Variants in GRHPR observed in about 807,000 individuals in gnomAD.
The protein encoded by GRHPR is glyoxylate and hydroxypyruvate reductase.
In GRHPR, 35 loss-of-function variants were observed where a neutral mutation model predicts 36.8. The observed-to-expected ratio is 0.95, with a 90% CI of 0.73 to 1.26. The LOEUF (loss-of-function observed/expected upper bound fraction) is 1.26. GRHPR is among the 50% of genes most tolerant of loss of function. The pLI, the probability that GRHPR is intolerant of heterozygous loss-of-function variation, is 0.00. For synonymous variants in GRHPR, 179 were observed against 181.0 expected (o/e 0.99, Z 0.09); for missense variants, 380 against 435.0 (o/e 0.87, Z 1.12).
chr9:37,439,320 T>G (rs1215702778), downstream of GRHPR: 1 of 152,234 alleles, frequency 6.6e-6, no homozygotes, highest in Non-Finnish European at 1.5e-5. Context: ...TTCTATGCTA[T>G]GGGCTGCTAA....
At chr9:37,433,337 G>A (rs1409373204) in intron 8 of GRHPR, among the ~76,000 whole-genome samples, 4 of 150,574 alleles carry the variant, frequency 2.7e-5, no homozygotes, top group Admixed American at 6.7e-5. Flanking sequence ...GGGTTCAAGC[G>A]ATTCTCCTGC....
intron 7 of GRHPR, 117 bp downstream of exon 7, chr9:37,430,763 T>A: frequency 1.1e-6 from 1 of 946,098 alleles, no homozygotes; most frequent in Non-Finnish European, 1.7e-6. Flanking sequence ...CTTGCTGGTT[T>A]CCATAAACCA....
chr9:37,437,031 A>G, downstream of GRHPR: 1 of 444,514 alleles, frequency 2.2e-6, no homozygotes, highest in East Asian at 4.8e-5. Flanking sequence ...ACAAGTGGAT[A>G]TGGCTGGGCA....
At chr9:37,438,950 CTCTAGATTAACAGGAGAGAA>C (rs1274376137), downstream of GRHPR, 4 of 152,208 alleles carry the variant, frequency 2.6e-5, no homozygotes, top group Non-Finnish European at 4.4e-5. Context: ...TAACTGCACA[CTCTAGATTAACAGGAGAGAA>C]AACACGCTCA....
chr9:37,428,554 A>G lies in GRHPR; in HGVS notation c.475A>G (p.Ile159Val), dbSNP rs759447197. ...ACTCACGCAGAGCACTGTCGGCATC[A>G]TCGGGCTGGGGCGCATAGGTGAGGC... ...YGLTQSTVGI[I>V]GLGRIGQAIA... The change falls in exon 5 of 9, where the codon ATC (isoleucine) becomes GTC (valine). Residue 159 changes from isoleucine to valine, a missense_variant. By Grantham distance (29) the Ile-to-Val change is conservative (BLOSUM62 3). Transcript: ENST00000318158. 1.9e-6 allele frequency: 3 copies of G among 1,610,280 alleles called. No homozygotes were observed. Among genetic ancestry groups the G allele is most frequent in the Non-Finnish European group, 2.5e-6 (3 of 1,178,796 alleles).
rs749832848 is a variant in GRHPR, at chr9:37,429,770, CAG to C, written c.536_537del (p.Arg179IlefsTer11). The part of the protein sequence containing the change: ...IARRLKPFGV[Q>X]RFLYTGRQPR... Reference sequence around the variant, plus strand: ...TCGGCGTCTGAAACCATTCGGTGTCCAGAGATTTCTGTACACAGGGCGCCAGC... The same window carrying C: ...TCGGCGTCTGAAACCATTCGGTGTCCAGATTTCTGTACACAGGGCGCCAGC... On this transcript the variant is annotated frameshift_variant, in exon 6 of 9. Coordinates refer to ENST00000318158, the MANE Select transcript of GRHPR (RefSeq NM_012203.2). LOFTEE classifies it high-confidence loss of function. The C allele has an allele frequency of 1.2e-6, 2 of 1,613,794 alleles. No homozygotes were observed. The highest frequency in any genetic ancestry group is 1.7e-6 in the Non-Finnish European group (2 of 1,179,602).
intron 8 of GRHPR, chr9:37,434,537 C>G: frequency 2.7e-6 from 1 of 373,246 alleles, no homozygotes; most frequent in Non-Finnish European, 5.1e-6. Flanking sequence ...GTAGAAGTAG[C>G]AGCTCCCACT....
In GRHPR at chr9:37,424,869, G is replaced by A. The variant is rs377072887; in HGVS notation, c.108G>A (p.Ser36=). ...GCTGTGAGGTGGAGCAGTGGGACTC[G>A]GATGAGCCCATCCCTGCCAAGGAGC... is the stretch of plus-strand genomic sequence containing the variant. The part of the protein sequence containing the change: ...AADCEVEQWD[S]DEPIPAKELE... The change falls in exon 2 of 9, where the codon TCG becomes TCA. Residue 36 remains serine (S), a synonymous_variant. Transcript: ENST00000318158. 2.0e-5 allele frequency: 33 copies of A among 1,613,322 alleles called. No homozygotes were observed. The highest frequency in any genetic ancestry group is 2.7e-5 in the African/African-American group (2 of 74,948).
Position 37,431,994 on chromosome 9 carries a change from A to T in GRHPR, c.735-14A>T. ...GGATCTTCGGGGTACCCATGTCACCACTGTCATTCCCAGGGGCGACGTCGT... is the reference window on the plus strand; with the variant it reads ...GGATCTTCGGGGTACCCATGTCACCTCTGTCATTCCCAGGGGCGACGTCGT... On this transcript the variant is annotated splice_polypyrimidine_tract_variant and intron_variant, in intron 7 of 8. Transcript: ENST00000318158. 2 of 1,613,864 alleles carry T rather than the reference A, an allele frequency of 1.2e-6. No homozygotes were observed. Among genetic ancestry groups the T allele is most frequent in the Non-Finnish European group, 1.7e-6 (2 of 1,179,776 alleles).
Position 37,436,739 on chromosome 9 carries a change from C to G in GRHPR, c.944C>G (p.Ala315Gly). Residue 315 changes from alanine (A) to glycine (G), a missense_variant, in exon 9 of 9, where the codon GCT (alanine) becomes GGT (glycine). By Grantham distance (60) the Ala-to-Gly change is moderately conservative. Coordinates refer to ENST00000318158, the MANE Select transcript of GRHPR (RefSeq NM_012203.2). ...MSLLAANNLL[A>G]GLRGEPMPSE... ...TTGTTGGCAGCTAACAACTTGCTGG[C>G]TGGCCTGAGAGGGGAGCCGATGCCT... The G allele has an allele frequency of 6.2e-7, 1 of 1,614,062 alleles. No homozygotes were observed. The highest frequency in any genetic ancestry group is 1.1e-5 in the South Asian group (1 of 91,074).
At chr9:37,425,310 A>G (rs893398541) in intron 2 of GRHPR, among the ~76,000 whole-genome samples, 1 of 152,244 alleles carries the variant, frequency 6.6e-6, no homozygotes, top group Non-Finnish European at 1.5e-5. Context: ...GCGTGTGCGT[A>G]GTATGAGGGA....
chr9:37,425,503 T>A (rs1169477978), intron 2 of GRHPR, among the ~76,000 whole-genome samples: 2 of 152,356 alleles, frequency 1.3e-5, no homozygotes, highest in Non-Finnish European at 2.9e-5. Flanking sequence ...CCGCCCCACA[T>A]CCTGGCCTTG....
At chr9:37,428,952 C>G in intron 5 of GRHPR, 2 of 372,352 alleles carry the variant, frequency 5.4e-6, no homozygotes, top group Non-Finnish European at 1.0e-5. Context: ...TCACAAAGCC[C>G]TAACTCGGGC....
At chr9:37,422,917 C>T in intron 1 of GRHPR, 84 bp downstream of exon 1, 3 of 998,954 alleles carry the variant, frequency 3.0e-6, no homozygotes, top group South Asian at 2.9e-5. Flanking sequence ...GCCTTGTGGC[C>T]GGCTGGGGCA....
intron 8 of GRHPR, chr9:37,434,797 A>G (rs1217443718): frequency 1.3e-5 from 2 of 152,304 alleles, no homozygotes; most frequent in African/African-American, 4.8e-5. Context: ...TCCTGTGTAA[A>G]CCTGTCGGCA....
Position 37,429,750 on chromosome 9 carries a change from G to A in GRHPR, c.512G>A (p.Arg171His), listed in dbSNP as rs200106110. The change falls in exon 6 of 9, where the codon CGT (arginine) becomes CAT (histidine). Residue 171 changes from arginine (R) to histidine (H), a missense_variant. Physicochemically the swap from Arg to His is conservative, Grantham distance 29. Coordinates refer to ENST00000318158, the MANE Select transcript of GRHPR (RefSeq NM_012203.2). Reference protein sequence around the residue: ...LGRIGQAIARRLKPFGVQRFL... With the variant: ...LGRIGQAIARHLKPFGVQRFL... ...GCTCTAGGCCAGGCCATTGCTCGGC[G>A]TCTGAAACCATTCGGTGTCCAGAGA... The A allele has an allele frequency of 9.1e-4, 1,474 of 1,612,636 alleles. 15 individuals are homozygous for A. The East Asian group carries it at 0.015, about 16-fold the overall frequency.
chr9:37,425,813 C>A, intron 2 of GRHPR, 109 bp from the exon 3 acceptor site: 1 of 756,812 alleles, frequency 1.3e-6, no homozygotes. Context: ...AGATGTCAGC[C>A]TCTTATTCTA....
In GRHPR at chr9:37,436,799, G is replaced by C. The variant is rs1258713263; in HGVS notation, c.*17G>C. ...AAGCTGTAGCCAAACAGTAGAGATG[G>C]AGGGCCGGGAAGCAAACCGTGCCCT... is the stretch of plus-strand genomic sequence containing the variant. On this transcript the variant is annotated 3_prime_UTR_variant, in exon 9 of 9. Transcript: ENST00000318158. The C allele has an allele frequency of 6.8e-6, 11 of 1,613,798 alleles. No individual in the cohort carries two copies. The highest frequency in any genetic ancestry group is 8.5e-6 in the Non-Finnish European group (10 of 1,179,858).
downstream of GRHPR, chr9:37,437,019 T>TAACA (rs1823703514): frequency 2.1e-6 from 1 of 469,364 alleles, no homozygotes; most frequent in Admixed American, 3.1e-5. Context: ...ATGGGGAAGC[T>TAACA]AACAAGTGGA....
Sources: allele counts gnomAD v4.1 joint callset (sites outside exome capture counted in the v4.1 genomes callset), GRCh38; gene constraint gnomAD v4.1.1; transcripts MANE v1.5; gene names NCBI Gene and HGNC (gene_info 2026-07-23, HGNC 2026-07-21).